The following ROCK2 variants were observed in gnomAD, a reference collection of about 807,000 sequenced individuals.
ROCK2 encodes Rho associated coiled-coil containing protein kinase 2.
Under a neutral mutation model 195.1 loss-of-function variants are expected in ROCK2, and 61 were observed. That is an observed-to-expected ratio of 0.31 (90% CI 0.25 to 0.39). The LOEUF is 0.39. Among genes scored for constraint, ROCK2 ranks in the 10% least tolerant of loss-of-function variants. The pLI is 1.00. For missense variants in ROCK2, 1,109 were observed against 1,637.4 expected, an observed-to-expected ratio of 0.68 and a Z score of 5.57; for synonymous variants, 504 against 545.5, an observed-to-expected ratio of 0.92 and a Z score of 1.06.
chr2:11,335,004 A>T (rs1011648922), intron 1 of ROCK2, among the ~76,000 whole-genome samples: 1 of 152,114 alleles, frequency 6.6e-6, no homozygotes, highest in Non-Finnish European at 1.5e-5. Flanking sequence ...TACCTTACCA[A>T]AATGAAGTAC....
chr2:11,318,917 T>C (rs896952680), intron 1 of ROCK2, among the ~76,000 whole-genome samples: 1 of 152,160 alleles, frequency 6.6e-6, no homozygotes, highest in African/African-American at 2.4e-5. Flanking sequence ...TAGTTGTAGA[T>C]GTGTGGTATT....
chr2:11,189,748 G>A (rs147924259), intron 32 of ROCK2, among the ~76,000 whole-genome samples: 2,467 of 152,232 alleles, frequency 0.016, 28 homozygotes, highest in Non-Finnish European at 0.025. Flanking sequence ...TTGGGAGGCC[G>A]AGGTGGGAGG....
chr2:11,218,605 C>A (rs1664513299), intron 10 of ROCK2, 139 bp from the exon 11 acceptor site: 2 of 595,930 alleles, frequency 3.4e-6, no homozygotes, highest in Non-Finnish European at 5.6e-6. Flanking sequence ...AAATGTTTAG[C>A]ATCATCATTT....
chr2:11,300,952 T>A (rs1240177653), intron 1 of ROCK2, among the ~76,000 whole-genome samples: 1 of 152,202 alleles, frequency 6.6e-6, no homozygotes, highest in Non-Finnish European at 1.5e-5. Context: ...TCCATTTGTA[T>A]CTATACCTCC....
Position 11,183,139 on chromosome 2 carries a change from C to A in ROCK2, c.*298G>T. ...TCTTTAGCCTTTAACTCTTCTCAAT[C>A]CTTGTGTGCATTGTAGTGTGAGCGA... On this transcript the variant is annotated 3_prime_UTR_variant, in exon 33 of 33. Coordinates refer to ENST00000315872, the MANE Select transcript of ROCK2 (RefSeq NM_004850.5). The A allele has an allele frequency of 3.4e-6, 1 of 291,762 alleles. No homozygotes were observed. The highest frequency in any genetic ancestry group is 5.9e-5 in the East Asian group (1 of 17,052). 18.1% of individuals were successfully genotyped at this position (291,762 alleles called of 1,614,324 possible).
At chr2:11,227,202 A>G in intron 6 of ROCK2, 52 bp downstream of exon 6, 1 of 1,476,164 alleles carries the variant, frequency 6.8e-7, no homozygotes, top group South Asian at 1.2e-5. Flanking sequence ...CTTGACTGAA[A>G]TAAAGTATTA....
chr2:11,262,589 AG>A (rs905584690), intron 3 of ROCK2, among the ~76,000 whole-genome samples: 3 of 152,142 alleles, frequency 2.0e-5, no homozygotes, highest in African/African-American at 2.4e-5. Flanking sequence ...GGTTATTATA[AG>A]GGGGGAGTTT....
chr2:11,309,045 G>A (rs549079849), intron 1 of ROCK2: 115 of 1,507,960 alleles, frequency 7.6e-5, no homozygotes, highest in East Asian at 6.0e-4. Flanking sequence ...GAAGCAAGCC[G>A]TACCCAGACC....
intron 1 of ROCK2, among the ~76,000 whole-genome samples, chr2:11,292,712 T>C (rs1034756216): frequency 6.6e-6 from 1 of 152,192 alleles, no homozygotes; most frequent in Non-Finnish European, 1.5e-5. Context: ...TGTAACACAT[T>C]TCCTCTGTTT....
At chr2:11,214,319 GT>G (rs1427397038) in intron 17 of ROCK2, 37 bp downstream of exon 17, 1 of 1,189,112 alleles carries the variant, frequency 8.4e-7, no homozygotes, top group African/African-American at 1.5e-5. Flanking sequence ...AAAGTCTACT[GT>G]CAATTTTCTT....
Position 11,237,109 on chromosome 2 carries a change from A to T in ROCK2, c.463-1147T>A, listed in dbSNP as rs376433194. On this transcript the variant is annotated intron_variant, in intron 4 of 32. Transcript: ENST00000315872. ...GGAGGTTGCAGTGAGCTGAGATTAT[A>T]CCATTGCACTCCAGCCTGGGCAACA... Among the ~76,000 whole-genome samples the T allele has an allele frequency of 2.5e-4, 38 of 152,252 alleles. No individual in the cohort carries two copies. In the South Asian group the frequency reaches 7.7e-3, roughly 31 times the overall value.
intron 6 of ROCK2, 29 bp from the exon 7 acceptor site, chr2:11,224,489 TG>T (rs1558306467): frequency 6.3e-7 from 1 of 1,599,738 alleles, no homozygotes; most frequent in South Asian, 1.1e-5. Flanking sequence ...AGATACTGAA[TG>T]TAACAGAGAA....
chr2:11,289,300 T>C (rs1438086630), intron 1 of ROCK2, among the ~76,000 whole-genome samples: 1 of 152,174 alleles, frequency 6.6e-6, no homozygotes, highest in African/African-American at 2.4e-5. Flanking sequence ...ACAGCTGGAC[T>C]ACTTTTCAAG....
chr2:11,323,380 TACTC>T (rs201044824), intron 1 of ROCK2, among the ~76,000 whole-genome samples: 2,658 of 152,222 alleles, frequency 0.017, 74 homozygotes, highest in African/African-American at 0.06. Flanking sequence ...AGAAAACAAA[TACTC>T]AGGAAGACAT....
chr2:11,266,384 T>G (rs1306554688), intron 3 of ROCK2, among the ~76,000 whole-genome samples: 1 of 152,194 alleles, frequency 6.6e-6, no homozygotes, highest in South Asian at 2.1e-4. Flanking sequence ...AGCTCCATTA[T>G]AGTCTTTGGG....
At chr2:11,257,189 G>A (rs73915135) in intron 3 of ROCK2, among the ~76,000 whole-genome samples, 3,534 of 151,546 alleles carry the variant, frequency 0.023, 170 homozygotes, top group East Asian at 0.053. Flanking sequence ...GCTGGTATGC[G>A]CTGGGCAGCG....
At chr2:11,249,346 C>T (rs1361634443) in intron 4 of ROCK2, among the ~76,000 whole-genome samples, 5 of 152,112 alleles carry the variant, frequency 3.3e-5, no homozygotes, top group Non-Finnish European at 7.4e-5. Flanking sequence ...TTACTATGTT[C>T]CTACTATGTA....
intron 4 of ROCK2, among the ~76,000 whole-genome samples, chr2:11,240,933 A>G (rs1327496490): frequency 1.3e-5 from 2 of 152,210 alleles, no homozygotes. Flanking sequence ...GAAAAGAGAT[A>G]CCGTATATAT....
rs1464860959 is a variant in ROCK2 at position 11,235,776 on chromosome 2, G to C, written c.649C>G (p.Pro217Ala). ...SMGLIHRDVK[P>A]DNMLLDKHGH... ...TGTTTATCCAAGAGCATGTTGTCAG[G>C]CTTCACATCTCTGTGTATTAAACCC... is the stretch of plus-strand genomic sequence containing the variant. The change falls in exon 5 of 33, where the codon CCT becomes GCT. Residue 217 changes from proline (P) to alanine (A), a missense_variant. Coordinates refer to ENST00000315872, the MANE Select transcript of ROCK2 (RefSeq NM_004850.5). The surrounding 1 kb of genome is among the most constrained non-coding windows in gnomAD (Gnocchi z 4.2). 1 of 1,613,800 alleles carries C rather than the reference G, an allele frequency of 6.2e-7. No individual in the cohort carries two copies. Among genetic ancestry groups the C allele is most frequent in the East Asian group, 2.2e-5 (1 of 44,844 alleles).
Sources: allele counts gnomAD v4.1 joint callset (sites outside exome capture counted in the v4.1 genomes callset), GRCh38; gene constraint gnomAD v4.1.1; non-coding constraint Gnocchi (gnomAD v3.1); transcripts MANE v1.5; gene names NCBI Gene and HGNC (gene_info 2026-07-23, HGNC 2026-07-21).